SCOC: variants seen among roughly 807,000 people sequenced by gnomAD.
SCOC encodes the protein short coiled coil protein.
SCOC carries 7 observed loss-of-function variants against 9.9 expected under a neutral mutation model. The observed-to-expected ratio is 0.71, with a 90% CI of 0.40 to 1.33. SCOC has a LOEUF of 1.33. SCOC is among the 40% of genes most tolerant of loss of function. The probability of loss-of-function intolerance (pLI) is 0.01; values close to 1 mark genes in which losing one functional copy is unlikely to be tolerated. For synonymous variants in SCOC, 19 were observed against 28.2 expected (o/e 0.67, Z 1.03); for missense variants, 66 against 89.7 (o/e 0.74, Z 1.07).
Position 140,382,116 on chromosome 4 carries a change from G to T in SCOC, c.*1012G>T, listed in dbSNP as rs1728593600. 6.6e-6 allele frequency: 1 copy of T among 152,130 alleles called. No individual in the cohort carries two copies. The highest frequency in any genetic ancestry group is 2.4e-5 in the African/African-American group (1 of 41,420). 9.4% of individuals were successfully genotyped at this position (152,130 alleles called of 1,614,324 possible). ...AACTTCTGCAAAATTCCGTAATGGT[G>T]TATTAGTATTAGAATAGTGAATAAA... is the stretch of plus-strand genomic sequence containing the variant. On this transcript the variant is annotated 3_prime_UTR_variant, in exon 4 of 4. Coordinates refer to ENST00000608372, the MANE Select transcript of SCOC (RefSeq NM_001153484.2).
chr4:140,342,817 C>G (rs963283623), upstream of SCOC, among the ~76,000 whole-genome samples: 3 of 152,088 alleles, frequency 2.0e-5, no homozygotes, highest in Non-Finnish European at 4.4e-5. Flanking sequence ...AACAAAGGGT[C>G]CCTGCCTAAG....
intron 1 of SCOC, among the ~76,000 whole-genome samples, chr4:140,312,177 C>G (rs1336283433): frequency 6.6e-6 from 1 of 152,180 alleles, no homozygotes. Context: ...CTAGTGACAA[C>G]TGCCTCTGGA....
intron 1 of SCOC, among the ~76,000 whole-genome samples, chr4:140,301,764 T>C (rs183241682): frequency 3.0e-4 from 45 of 152,350 alleles, no homozygotes; most frequent in Non-Finnish European, 3.8e-4. Flanking sequence ...TTCCCTGCCA[T>C]GGAATTACAC....
intron 1 of SCOC, among the ~76,000 whole-genome samples, chr4:140,319,321 C>T (rs932576526): frequency 2.0e-5 from 3 of 152,116 alleles, no homozygotes; most frequent in African/African-American, 7.2e-5. Context: ...ACACTCCTGA[C>T]ATCAGGTGAT....
At chr4:140,267,908 C>T (rs987716945) in intron 1 of SCOC, among the ~76,000 whole-genome samples, 3 of 152,220 alleles carry the variant, frequency 2.0e-5, no homozygotes, top group Non-Finnish European at 4.4e-5. Flanking sequence ...ATACACTGGC[C>T]TCCGGAGCTG....
intron 1 of SCOC, among the ~76,000 whole-genome samples, chr4:140,279,308 A>T (rs1333566451): frequency 1.3e-5 from 2 of 152,076 alleles, no homozygotes; most frequent in Non-Finnish European, 2.9e-5. Context: ...CATCAAGAGA[A>T]CTCATATGGA....
intron 1 of SCOC, among the ~76,000 whole-genome samples, chr4:140,301,486 T>C (rs963745603): frequency 2.6e-5 from 4 of 152,246 alleles, no homozygotes; most frequent in African/African-American, 9.6e-5. Context: ...AGGCTCTTAA[T>C]TGCAGTATTC....
intron 1 of SCOC, among the ~76,000 whole-genome samples, chr4:140,325,060 G>A (rs1389866045): frequency 1.3e-5 from 2 of 152,168 alleles, no homozygotes; most frequent in Admixed American, 1.3e-4. Flanking sequence ...TAACAAAGGT[G>A]CCAAGACAAT....
chr4:140,261,703 C>T (rs1730637674), intron 1 of SCOC, among the ~76,000 whole-genome samples: 1 of 152,108 alleles, frequency 6.6e-6, no homozygotes, highest in Non-Finnish European at 1.5e-5. Context: ...AGAATATAAG[C>T]AAATATACCA....
chr4:140,366,971 C>G (rs1016275359), intron 2 of SCOC: 33 of 461,020 alleles, frequency 7.2e-5, no homozygotes, highest in Non-Finnish European at 1.2e-4. Context: ...TTTGGGAGGC[C>G]CAGGTGGGTG....
intron 1 of SCOC, among the ~76,000 whole-genome samples, chr4:140,280,665 G>T (rs549571905): frequency 1.3e-5 from 2 of 152,288 alleles, no homozygotes; most frequent in East Asian, 3.9e-4. Flanking sequence ...TGTTTTCATG[G>T]ACTCCTAAAA....
upstream of SCOC, chr4:140,373,531 C>G: frequency 6.4e-7 from 1 of 1,551,682 alleles, no homozygotes; most frequent in Non-Finnish European, 8.7e-7. Context: ...GTGAGGCGGG[C>G]AGCTAATGCG....
chr4:140,369,910 C>G (rs1322887490), upstream of SCOC, among the ~76,000 whole-genome samples: 2 of 92,818 alleles, frequency 2.2e-5, no homozygotes, highest in Non-Finnish European at 3.8e-5. Flanking sequence ...TGGAGTTTCG[C>G]TCTTGTTGTC....
In SCOC at chr4:140,324,923, T is replaced by G. The variant is rs924193597; in HGVS notation, c.-18-18698T>G. ...AAGTTGGAGGATTCATGCTAGGATT[T>G]CAAGACTTATTCAAAACCTATACTA... On this transcript the variant is annotated intron_variant, in intron 1 of 4. Coordinates refer to the SCOC transcript ENST00000394205. Among the ~76,000 whole-genome samples the G allele has an allele frequency of 3.9e-5, 6 of 152,208 alleles. No homozygotes were observed. The East Asian group carries it at 1.2e-3, about 29-fold the overall frequency.
At chr4:140,273,483 TTTTGC>T (rs1460799614) in intron 1 of SCOC, among the ~76,000 whole-genome samples, 19 of 152,156 alleles carry the variant, frequency 1.2e-4, no homozygotes, top group African/African-American at 4.1e-4. Flanking sequence ...AATTTTCTCC[TTTTGC>T]TTTGGACCAG....
chr4:140,319,232 C>A (rs1422489443), intron 1 of SCOC, among the ~76,000 whole-genome samples: 1 of 152,134 alleles, frequency 6.6e-6, no homozygotes, highest in Non-Finnish European at 1.5e-5. Context: ...GCTGGGATTA[C>A]AGCCATGCGC....
At chr4:140,272,261 C>G (rs1275253500) in intron 1 of SCOC, among the ~76,000 whole-genome samples, 1 of 150,718 alleles carries the variant, frequency 6.6e-6, no homozygotes, top group Non-Finnish European at 1.5e-5. Context: ...TACTATGTTG[C>G]CTAGGGTGGT....
At chr4:140,374,309 C>T in intron 1 of SCOC, 4 of 383,814 alleles carry the variant, frequency 1.0e-5, no homozygotes, top group South Asian at 7.5e-5. Flanking sequence ...AGGATACATT[C>T]CTGAAAGGCA....
intron 2 of SCOC, among the ~76,000 whole-genome samples, chr4:140,362,271 G>GTCTGTTCTTCTCCTTCTCCTTC (rs1553941052): frequency 3.7e-5 from 1 of 27,338 alleles, no homozygotes; most frequent in Admixed American, 3.9e-4. Flanking sequence ...AGACAGGTGT[G>GTCTGTTCTTCTCCTTCTCCTTC]TCCTTACTTC....
Sources: allele counts gnomAD v4.1 joint callset (sites outside exome capture counted in the v4.1 genomes callset), GRCh38; gene constraint gnomAD v4.1.1; transcripts MANE v1.5; gene names NCBI Gene and HGNC (gene_info 2026-07-23, HGNC 2026-07-21).